The following TBC1D14 variants were observed in gnomAD, a reference collection of about 807,000 sequenced individuals.
TBC1D14 encodes the protein TBC1 domain family, member 14.
In TBC1D14, 26 loss-of-function variants were observed where a neutral mutation model predicts 79.0. The observed-to-expected ratio is 0.33, with a 90% CI of 0.24 to 0.46. The LOEUF (loss-of-function observed/expected upper bound fraction) is 0.46. Ranked by LOEUF, TBC1D14 falls within the 20% of genes least tolerant of loss-of-function variation. The pLI is 1.00. For synonymous variants in TBC1D14, 394 were observed against 349.9 expected (o/e 1.13, Z -1.40); for missense variants, 769 against 887.6 (o/e 0.87, Z 1.70).
Position 7,009,114 on chromosome 4 carries a change from TC to T in TBC1D14, c.1447-762del, listed in dbSNP as rs1720501032. ...ACCTGTGGTCACCTGTGGAGTGACT[TC>T]TTATCTCTCACCATGTGTGATTTTT... On this transcript the variant is annotated intron_variant, in intron 9 of 13. Coordinates refer to ENST00000409757, the MANE Select transcript of TBC1D14 (RefSeq NM_020773.3). Among the ~76,000 whole-genome samples the T allele has an allele frequency of 2.6e-5, 4 of 152,242 alleles. No individual in the cohort carries two copies. The South Asian group carries it at 8.3e-4, about 31-fold the overall frequency.
chr4:7,014,017 G>A (rs1475376909), intron 11 of TBC1D14, among the ~76,000 whole-genome samples: 1 of 152,184 alleles, frequency 6.6e-6, no homozygotes, highest in Non-Finnish European at 1.5e-5. Flanking sequence ...CCAAAGTGCT[G>A]GGATTACAGG....
chr4:6,988,885 C>CTTTTTTTTTTTTT (rs34268749), intron 3 of TBC1D14, among the ~76,000 whole-genome samples: 115 of 76,806 alleles, frequency 1.5e-3, no homozygotes, highest in Non-Finnish European at 1.8e-3. Context: ...TTCTTTCTTT[C>CTTTTTTTTTTTTT]TTTTTTTTTT....
intron 2 of TBC1D14, among the ~76,000 whole-genome samples, chr4:6,954,704 G>A (rs1004154633): frequency 7.2e-5 from 11 of 152,206 alleles, no homozygotes; most frequent in Admixed American, 5.2e-4. Flanking sequence ...AGGTTCACGC[G>A]ATTCTCCTGC....
At chr4:6,965,336 T>C (rs1382672534) in intron 2 of TBC1D14, among the ~76,000 whole-genome samples, 1 of 152,172 alleles carries the variant, frequency 6.6e-6, no homozygotes, top group Admixed American at 6.5e-5. Context: ...TTTCATGTCC[T>C]TTTAATCTGA....
intron 11 of TBC1D14, among the ~76,000 whole-genome samples, chr4:7,011,150 A>T (rs985499237): frequency 6.6e-6 from 1 of 152,220 alleles, no homozygotes; most frequent in African/African-American, 2.4e-5. Flanking sequence ...TGGGTAGAAC[A>T]TGTCGTAATC....
At chr4:6,914,940 G>A (rs948389941) in intron 1 of TBC1D14, among the ~76,000 whole-genome samples, 2 of 152,226 alleles carry the variant, frequency 1.3e-5, no homozygotes, top group Admixed American at 6.5e-5. Context: ...TCAGGAGGCT[G>A]AGGCAGGAGA....
rs1724056765 is a variant in TBC1D14, at chr4:6,923,811, A to G, written c.422A>G (p.Tyr141Cys). Reference sequence around the variant, plus strand: ...ACAGGCTATGACTCGGTAAAGCTCTATAGCCCGACCTCCAAAGCCCTGACC... The same window carrying G: ...ACAGGCTATGACTCGGTAAAGCTCTGTAGCCCGACCTCCAAAGCCCTGACC... ...PRTGYDSVKL[Y>C]SPTSKALTRS... Residue 141 changes from tyrosine to cysteine, a missense_variant, in exon 2 of 14, where the codon TAT becomes TGT. This residue lies in a region of TBC1D14 where 402 missense variants were observed against 393.2 expected (regional missense o/e 1.02). Transcript: ENST00000409757. 3 of 1,614,190 alleles carry G rather than the reference A, an allele frequency of 1.9e-6. No homozygotes were observed. The highest frequency in any genetic ancestry group is 1.6e-4 in the Middle Eastern group (1 of 6,062).
At chr4:7,007,515 T>A (rs552097728) in intron 9 of TBC1D14, 3 of 1,288,668 alleles carry the variant, frequency 2.3e-6, no homozygotes, top group Admixed American at 2.3e-5. Context: ...TCTCACTGCC[T>A]TTACTCAGGT....
chr4:7,017,872 A>T (rs1414111403), intron 12 of TBC1D14, among the ~76,000 whole-genome samples: 1 of 152,198 alleles, frequency 6.6e-6, no homozygotes, highest in Non-Finnish European at 1.5e-5. Context: ...GGTGGTCCGC[A>T]GTGATTCAGG....
intron 9 of TBC1D14, among the ~76,000 whole-genome samples, chr4:7,009,240 G>T (rs78046753): frequency 1.3e-5 from 2 of 152,212 alleles, no homozygotes; most frequent in African/African-American, 4.8e-5. Flanking sequence ...TAACTTCAGC[G>T]TGAGGCATCT....
Position 7,006,575 on chromosome 4 carries a change from A to G in TBC1D14, c.1352-57A>G, listed in dbSNP as rs185248622. ...TTCTTGTAAAACTTCAAAGGCTCGT[A>G]ATTGTCCTACATTCGTGCCCTTGAG... On this transcript the variant is annotated intron_variant, in intron 8 of 13. Coordinates refer to ENST00000409757, the MANE Select transcript of TBC1D14 (RefSeq NM_020773.3). 3,608 of 1,503,932 alleles carry G rather than the reference A, an allele frequency of 2.4e-3. 11 individuals carry two copies. Among genetic ancestry groups the G allele is most frequent in the Non-Finnish European group, 2.9e-3 (3,141 of 1,089,448 alleles). The allele number at this position is 1,503,932 out of a possible 1,614,324, so 93.2% of individuals were successfully genotyped here.
chr4:6,919,989 A>G (rs921129415), intron 1 of TBC1D14, among the ~76,000 whole-genome samples: 40 of 150,056 alleles, frequency 2.7e-4, no homozygotes, highest in African/African-American at 9.4e-4. Context: ...GTCACAGCTT[A>G]CTACTGTCTT....
intron 3 of TBC1D14, chr4:6,987,194 A>G: frequency 8.2e-7 from 1 of 1,220,894 alleles, no homozygotes; most frequent in Non-Finnish European, 1.0e-6. Flanking sequence ...TCTGCGCGCG[A>G]TTGAGCGGCC....
rs200355350 is a variant in TBC1D14, at chr4:6,928,306, G to A, written c.722+4195G>A. Among the ~76,000 whole-genome samples the A allele has an allele frequency of 1.3e-4, 20 of 152,296 alleles. No homozygotes were observed. The East Asian group carries it at 3.3e-3, about 25-fold the overall frequency. On this transcript the variant is annotated intron_variant, in intron 2 of 13. Transcript: ENST00000409757. ...GATGGATTTTTCCGGACCACTTCCC[G>A]ACCTGGCTGGGAGCTCCTTGGGGGC... is the stretch of plus-strand genomic sequence containing the variant.
At chr4:6,984,977 G>C (rs1217325894) in intron 3 of TBC1D14, among the ~76,000 whole-genome samples, 1 of 152,210 alleles carries the variant, frequency 6.6e-6, no homozygotes, top group Non-Finnish European at 1.5e-5. Context: ...CAGAAAGACC[G>C]AGAGAAAAGC....
At chr4:6,982,139 G>A (rs193201227) in intron 3 of TBC1D14, among the ~76,000 whole-genome samples, 63 of 152,234 alleles carry the variant, frequency 4.1e-4, no homozygotes, top group African/African-American at 1.4e-3. Context: ...GTTTGCCATC[G>A]AGAAATGAAA....
At chr4:6,929,630 A>T (rs1433557633) in intron 2 of TBC1D14, among the ~76,000 whole-genome samples, 1 of 152,034 alleles carries the variant, frequency 6.6e-6, no homozygotes, top group African/African-American at 2.4e-5. Flanking sequence ...AGGAGGGGAG[A>T]CCACAGAGAT....
chr4:6,979,403 A>G (rs572431058), intron 3 of TBC1D14, among the ~76,000 whole-genome samples: 13 of 152,240 alleles, frequency 8.5e-5, no homozygotes, highest in African/African-American at 3.1e-4. Context: ...GAGGCAGACG[A>G]TTACTTGAAG....
intron 12 of TBC1D14, among the ~76,000 whole-genome samples, chr4:7,017,407 C>G (rs548176971): frequency 2.0e-5 from 3 of 152,246 alleles, no homozygotes; most frequent in Admixed American, 6.5e-5. Context: ...TCAAGTCTAC[C>G]CGGCTCTAGA....
Sources: gnomAD v4.1 joint callset for allele counts (sites outside exome capture counted in the v4.1 genomes callset) on GRCh38, gnomAD v4.1.1 for gene constraint, gnomAD v4.1.1 regional missense constraint, MANE v1.5 for transcripts, NCBI Gene and HGNC (gene_info 2026-07-23, HGNC 2026-07-21) for gene names.